MTUS2: variants seen among roughly 807,000 people sequenced by gnomAD.
MTUS2 encodes the protein microtubule-associated tumor suppressor candidate 2.
A neutral mutation model predicts 114.1 loss-of-function variants in MTUS2; 40 were observed. The ratio of observed to expected loss-of-function variants is 0.35; its 90% confidence interval spans 0.27 to 0.46. The LOEUF is 0.46. Ranked by LOEUF, MTUS2 falls within the 20% of genes least tolerant of loss-of-function variation. The pLI, the probability that MTUS2 is intolerant of heterozygous loss-of-function variation, is 1.00. For missense variants in MTUS2, 1,679 were observed against 1,705.4 expected, an observed-to-expected ratio of 0.98 and a Z score of 0.27; for synonymous variants, 688 against 672.0, an observed-to-expected ratio of 1.02 and a Z score of -0.37.
At chr13:28,855,873 A>G (rs995099504) in intron 2 of MTUS2, among the ~76,000 whole-genome samples, 6 of 152,198 alleles carry the variant, frequency 3.9e-5, no homozygotes, top group African/African-American at 1.4e-4. Flanking sequence ...TAGTTGAAGT[A>G]ATTTGCATTC....
At chr13:28,924,160 G>T (rs1042619539) in intron 2 of MTUS2, among the ~76,000 whole-genome samples, 12 of 152,052 alleles carry the variant, frequency 7.9e-5, no homozygotes, top group African/African-American at 2.7e-4. Context: ...GCTTTTGGGA[G>T]GGGGGTCCTA....
intron 8 of MTUS2, among the ~76,000 whole-genome samples, chr13:29,439,331 TAGC>T (rs1394140408): frequency 6.6e-6 from 1 of 152,198 alleles, no homozygotes; most frequent in Non-Finnish European, 1.5e-5. Context: ...GAAAACAACT[TAGC>T]AGTCATTTAG....
chr13:28,828,985 A>G (rs1874469124), intron 1 of MTUS2, among the ~76,000 whole-genome samples: 1 of 152,228 alleles, frequency 6.6e-6, no homozygotes, highest in Non-Finnish European at 1.5e-5. Context: ...TTATCTTGGA[A>G]CACATCTGAA....
At chr13:28,933,117 GAACACA>G (rs1392528039) in intron 2 of MTUS2, among the ~76,000 whole-genome samples, 1 of 104,184 alleles carries the variant, frequency 9.6e-6, no homozygotes, top group Non-Finnish European at 1.9e-5. Context: ...TGGAGAATCA[GAACACA>G]CACACACACA....
At chr13:29,299,165 A>T (rs900629609) in intron 6 of MTUS2, among the ~76,000 whole-genome samples, 1 of 152,188 alleles carries the variant, frequency 6.6e-6, no homozygotes, top group African/African-American at 2.4e-5. Flanking sequence ...TGATGTATAC[A>T]ATTTCTGGTT....
At chr13:29,356,637 A>C (rs1869765982) in intron 7 of MTUS2, among the ~76,000 whole-genome samples, 1 of 152,230 alleles carries the variant, frequency 6.6e-6, no homozygotes. Context: ...TGACAGCACG[A>C]GAAAGAATAC....
intron 2 of MTUS2, among the ~76,000 whole-genome samples, chr13:28,894,329 G>A (rs58640667): frequency 8.2e-5 from 5 of 60,874 alleles, no homozygotes; most frequent in African/African-American, 4.5e-4. Context: ...AGGGAGGGAG[G>A]GAGAGAGAGA....
intron 4 of MTUS2, among the ~76,000 whole-genome samples, chr13:29,051,637 C>G (rs886829175): frequency 1.3e-5 from 2 of 152,116 alleles, no homozygotes; most frequent in Non-Finnish European, 2.9e-5. Context: ...TATGGTGTCC[C>G]GGAAGCCACA....
chr13:29,483,491 T>G (rs1445160910), intron 10 of MTUS2, among the ~76,000 whole-genome samples: 4 of 152,174 alleles, frequency 2.6e-5, no homozygotes, highest in Non-Finnish European at 4.4e-5. Flanking sequence ...CTTCTCAGCC[T>G]GCCCTGACAC....
chr13:29,136,994 A>G (rs1376121889), intron 5 of MTUS2, among the ~76,000 whole-genome samples: 3 of 152,190 alleles, frequency 2.0e-5, no homozygotes. Context: ...TCTGCTGAAG[A>G]ATTGATTGGT....
At chr13:28,884,626 A>G (rs2387945) in intron 2 of MTUS2, among the ~76,000 whole-genome samples, 29,396 of 152,096 alleles carry the variant, frequency 0.19, 3,824 homozygotes, top group African/African-American at 0.36. Flanking sequence ...GGAGCGGGGA[A>G]CGGGAGTGAG....
chr13:29,337,715 C>T (rs1272684279), intron 7 of MTUS2, among the ~76,000 whole-genome samples: 5 of 151,500 alleles, frequency 3.3e-5, no homozygotes, highest in African/African-American at 1.2e-4. Context: ...GATTCTCCTG[C>T]CTGAGCTTCC....
At chr13:29,407,993 CT>C (rs549139784) in intron 8 of MTUS2, among the ~76,000 whole-genome samples, 45 of 152,042 alleles carry the variant, frequency 3.0e-4, no homozygotes, top group Non-Finnish European at 5.3e-4. Context: ...CTGAGAATTG[CT>C]TTTTCATATC....
At chr13:29,428,995 G>C (rs1876793973) in intron 8 of MTUS2, 1 of 1,208,642 alleles carries the variant, frequency 8.3e-7, no homozygotes, top group Non-Finnish European at 1.2e-6. Context: ...CCTAGCATGC[G>C]TGTGCGCTTT....
chr13:29,236,145 T>A (rs1896527370), intron 5 of MTUS2, among the ~76,000 whole-genome samples: 1 of 152,176 alleles, frequency 6.6e-6, no homozygotes. Flanking sequence ...AATTTATTGT[T>A]ATTTTTTATC....
chr13:28,884,757 C>T (rs1174285116), intron 2 of MTUS2, among the ~76,000 whole-genome samples: 2 of 152,184 alleles, frequency 1.3e-5, no homozygotes, highest in African/African-American at 4.8e-5. Flanking sequence ...GCGAAATGTA[C>T]ATAGGACCTT....
chr13:29,023,863 G>A (rs900546128), intron 2 of MTUS2, among the ~76,000 whole-genome samples: 1 of 152,160 alleles, frequency 6.6e-6, no homozygotes, highest in Non-Finnish European at 1.5e-5. Flanking sequence ...ACTAATATCA[G>A]GAGTCCGTAA....
intron 5 of MTUS2, among the ~76,000 whole-genome samples, chr13:29,194,665 A>G (rs1223959712): frequency 1.3e-5 from 2 of 148,290 alleles, no homozygotes; most frequent in Non-Finnish European, 3.0e-5. Context: ...AACTAGTTCA[A>G]CCATTGTGGA....
At position 29,008,012 on chromosome 13, in the gene MTUS2, G is replaced by A. The variant is rs188228593; in HGVS notation, c.-242-16445G>A. Among the ~76,000 whole-genome samples the A allele has an allele frequency of 8.5e-5, 13 of 152,232 alleles. No individual in the cohort carries two copies. In the East Asian group the frequency reaches 2.3e-3, roughly 27 times the overall value. ...TTCTTATTAGTGTACCATGATGATC[G>A]GTTTCTTTTGTCATGAAACATCCCC... is the stretch of plus-strand genomic sequence containing the variant. On this transcript the variant is annotated intron_variant, in intron 2 of 15. Transcript: ENST00000612955.
Sources: allele counts gnomAD v4.1 joint callset (sites outside exome capture counted in the v4.1 genomes callset), GRCh38; gene constraint gnomAD v4.1.1; transcripts MANE v1.5; gene names NCBI Gene and HGNC (gene_info 2026-07-23, HGNC 2026-07-21).